Variants in WFDC11 observed in about 807,000 individuals in gnomAD.
WFDC11 encodes the protein WAP four-disulfide core domain 11, also known as protein WFDC11.
In WFDC11, 9 loss-of-function variants were observed where a neutral mutation model predicts 9.9. That is an observed-to-expected ratio of 0.91 (90% confidence interval 0.55 to 1.58). The LOEUF (loss-of-function observed/expected upper bound fraction) is 1.58. Ranked by LOEUF, WFDC11 falls within the 40% of genes most tolerant of loss-of-function variation. The pLI, the probability that WFDC11 is intolerant of heterozygous loss-of-function variation, is 0.00. For missense variants in WFDC11, 106 were observed against 101.7 expected, an observed-to-expected ratio of 1.04 and a Z score of -0.18; for synonymous variants, 32 against 33.3, an observed-to-expected ratio of 0.96 and a Z score of 0.13.
chr20:45,654,511 A>C (rs1460555333), intron 2 of WFDC11, among the ~76,000 whole-genome samples: 1 of 152,188 alleles, frequency 6.6e-6, no homozygotes, highest in Non-Finnish European at 1.5e-5. Context: ...CTAACATCAC[A>C]ATTAAAAGAA....
intron 2 of WFDC11, among the ~76,000 whole-genome samples, chr20:45,656,157 G>C (rs529125576): frequency 6.6e-6 from 1 of 152,074 alleles, no homozygotes; most frequent in Non-Finnish European, 1.5e-5. Context: ...CAAAGCTGGA[G>C]GCATCACGTT....
At chr20:45,663,821 T>C (rs1318744523) in intron 2 of WFDC11, among the ~76,000 whole-genome samples, 1 of 152,206 alleles carries the variant, frequency 6.6e-6, no homozygotes, top group East Asian at 1.9e-4. Flanking sequence ...TTCTTTTACA[T>C]TTGCTGAGGA....
chr20:45,661,512 C>T (rs1439373676), intron 2 of WFDC11, among the ~76,000 whole-genome samples: 1 of 152,080 alleles, frequency 6.6e-6, no homozygotes, highest in Non-Finnish European at 1.5e-5. Flanking sequence ...TCCTGAATGG[C>T]AATGCCTAGG....
In WFDC11 at chr20:45,649,284, A is replaced by G. The variant is rs1296802062; in HGVS notation, c.216T>C (p.Tyr72=). Residue 72 remains tyrosine (Y), a synonymous_variant, in exon 4 of 5, where the codon TAT becomes TAC. Transcript: ENST00000324384. ...KDKNYTCCWT[Y]CGNICWINVE... ...CGTTTATCCAGCAGATGTTTCCACAATAGGTCCAGCAGCATGTGTAATTTT... is the reference window on the plus strand; with the variant it reads ...CGTTTATCCAGCAGATGTTTCCACAGTAGGTCCAGCAGCATGTGTAATTTT... 1 of 1,614,136 alleles carries G rather than the reference A, an allele frequency of 6.2e-7. No homozygotes were observed. The highest frequency in any genetic ancestry group is 1.3e-5 in the African/African-American group (1 of 75,024).
chr20:45,651,823 G>A (rs568369669), intron 2 of WFDC11, among the ~76,000 whole-genome samples: 60 of 148,644 alleles, frequency 4.0e-4, no homozygotes, highest in Non-Finnish European at 7.6e-4. Context: ...CTATGACCAC[G>A]GAGCCTCACA....
intron 2 of WFDC11, among the ~76,000 whole-genome samples, chr20:45,664,022 G>A (rs1352636193): frequency 1.3e-5 from 2 of 152,080 alleles, no homozygotes; most frequent in Non-Finnish European, 2.9e-5. Context: ...TTGACAGTGG[G>A]GTGTTAAAGT....
chr20:45,658,191 G>A (rs1486200464), intron 2 of WFDC11, among the ~76,000 whole-genome samples: 1 of 151,860 alleles, frequency 6.6e-6, no homozygotes, highest in African/African-American at 2.4e-5. Flanking sequence ...GTTTCCACTG[G>A]CCTTTTTACT....
Position 45,652,034 on chromosome 20 carries a change from C to T in WFDC11, c.-51-1383G>A, listed in dbSNP as rs565697012. ...GAGGGCATTGCCAAACAAAAGGCAG[C>T]AGAATCCTCTACAGACTTAAATGTC... is the stretch of plus-strand genomic sequence containing the variant. On this transcript the variant is annotated intron_variant, in intron 2 of 4. Coordinates refer to ENST00000324384, the MANE Select transcript of WFDC11 (RefSeq NM_147197.2). Among the ~76,000 whole-genome samples, 4 of 152,336 alleles carry T rather than the reference C, an allele frequency of 2.6e-5. No homozygotes were observed. The South Asian group carries it at 8.3e-4, about 32-fold the overall frequency.
chr20:45,649,149 G>A (rs1982747189), intron 4 of WFDC11, 108 bp downstream of exon 4: 14 of 1,331,394 alleles, frequency 1.1e-5, no homozygotes, highest in Non-Finnish European at 1.3e-5. Flanking sequence ...TGTTATTTTT[G>A]TACCTAGAAT....
intron 4 of WFDC11, 89 bp from the exon 5 acceptor site, chr20:45,648,828 C>G (rs903663606): frequency 8.3e-6 from 11 of 1,333,026 alleles, no homozygotes; most frequent in Non-Finnish European, 1.1e-5. Context: ...TCCATGTTCA[C>G]CAGACAATGG....
intron 2 of WFDC11, among the ~76,000 whole-genome samples, chr20:45,665,248 A>G (rs919853244): frequency 6.6e-6 from 1 of 152,150 alleles, no homozygotes; most frequent in Non-Finnish European, 1.5e-5. Context: ...TTCTCGTGCC[A>G]TGGTTTTCAG....
chr20:45,657,815 C>T (rs6073835), intron 2 of WFDC11, among the ~76,000 whole-genome samples: 26,670 of 151,994 alleles, frequency 0.18, 2,525 homozygotes, highest in East Asian at 0.32. Context: ...TAGATAATTT[C>T]GCCCAACAGT....
chr20:45,658,786 T>C (rs1586439), intron 2 of WFDC11, among the ~76,000 whole-genome samples: 26,664 of 152,162 alleles, frequency 0.18, 2,524 homozygotes, highest in East Asian at 0.32. Flanking sequence ...GTTTGTTATA[T>C]AGGTATACAC....
intron 2 of WFDC11, among the ~76,000 whole-genome samples, chr20:45,651,653 G>A (rs1982808656): frequency 6.6e-6 from 1 of 152,174 alleles, no homozygotes; most frequent in Admixed American, 6.5e-5. Context: ...CCTCACCTGG[G>A]AAGTGCAAAG....
At chr20:45,662,679 A>T (rs1600941738) in intron 2 of WFDC11, among the ~76,000 whole-genome samples, 1 of 152,174 alleles carries the variant, frequency 6.6e-6, no homozygotes, top group Admixed American at 6.5e-5. Context: ...TGAGATAATC[A>T]TGTGGTTTTT....
chr20:45,666,423 G>A (rs1983190049), intron 2 of WFDC11, among the ~76,000 whole-genome samples: 2 of 152,226 alleles, frequency 1.3e-5, no homozygotes, highest in Admixed American at 1.3e-4. Flanking sequence ...CCCTCCATGG[G>A]TTGCACCCAC....
intron 4 of WFDC11, 84 bp from the exon 5 acceptor site, chr20:45,648,823 G>T: frequency 7.3e-7 from 1 of 1,378,998 alleles, no homozygotes; most frequent in Non-Finnish European, 1.0e-6. Context: ...TAGTATCCAT[G>T]TTCACCAGAC....
chr20:45,662,032 G>T (rs1003909684), intron 2 of WFDC11, among the ~76,000 whole-genome samples: 1 of 152,028 alleles, frequency 6.6e-6, no homozygotes, highest in Non-Finnish European at 1.5e-5. Flanking sequence ...TCATGATATT[G>T]ATTCTTCCTA....
At chr20:45,665,174 A>G (rs1264776434) in intron 2 of WFDC11, among the ~76,000 whole-genome samples, 2 of 152,116 alleles carry the variant, frequency 1.3e-5, no homozygotes, top group Non-Finnish European at 2.9e-5. Flanking sequence ...TTGATCTTCA[A>G]TCACTGATAC....
Sources: gnomAD v4.1 joint callset for allele counts (sites outside exome capture counted in the v4.1 genomes callset) on GRCh38, gnomAD v4.1.1 for gene constraint, MANE v1.5 for transcripts, NCBI Gene and HGNC (gene_info 2026-07-23, HGNC 2026-07-21) for gene names.